Variants in NELL2 observed in about 807,000 individuals in gnomAD.
NELL2 encodes protein kinase C-binding protein NELL2.
A neutral mutation model predicts 109.6 loss-of-function variants in NELL2; 41 were observed. That is an observed-to-expected ratio of 0.37 (90% CI 0.29 to 0.49). The LOEUF is 0.49. Ranked by LOEUF, NELL2 falls within the 20% of genes least tolerant of loss-of-function variation. NELL2 has a pLI of 0.98. For synonymous variants in NELL2, 355 were observed against 344.7 expected, an observed-to-expected ratio of 1.03 and a Z score of -0.33; for missense variants, 900 against 1,008.3, an observed-to-expected ratio of 0.89 and a Z score of 1.45.
intron 12 of NELL2, among the ~76,000 whole-genome samples, chr12:44,694,049 T>C (rs1333884298): frequency 2.0e-5 from 3 of 152,236 alleles, no homozygotes; most frequent in Non-Finnish European, 4.4e-5. Flanking sequence ...CTTTCTCTTT[T>C]AAATTTTACC....
intron 12 of NELL2, among the ~76,000 whole-genome samples, chr12:44,682,470 G>A (rs1948548998): frequency 6.6e-6 from 1 of 152,224 alleles, no homozygotes; most frequent in East Asian, 1.9e-4. Flanking sequence ...TGCTTTTGGT[G>A]TTTTAGACAT....
chr12:44,667,930 C>A (rs116647159), intron 12 of NELL2, among the ~76,000 whole-genome samples: 1 of 152,282 alleles, frequency 6.6e-6, no homozygotes, highest in African/African-American at 2.4e-5. Flanking sequence ...GCCTAGAATC[C>A]ATAGGATGGC....
chr12:44,875,730 G>C, intron 1 of NELL2, 85 bp downstream of exon 1: 1 of 1,609,394 alleles, frequency 6.2e-7, no homozygotes, highest in Non-Finnish European at 8.5e-7. Flanking sequence ...TTGGGTCCGG[G>C]AAAAGCGAGG....
intron 2 of NELL2, among the ~76,000 whole-genome samples, chr12:44,848,512 C>T (rs1944440349): frequency 1.3e-5 from 2 of 152,136 alleles, no homozygotes; most frequent in African/African-American, 4.8e-5. Context: ...GAGCAACACA[C>T]AGACAAACAC....
intron 3 of NELL2, among the ~76,000 whole-genome samples, chr12:44,808,385 A>T (rs539970207): frequency 1.3e-5 from 2 of 152,056 alleles, no homozygotes; most frequent in Non-Finnish European, 2.9e-5. Context: ...TGGTAGTGAT[A>T]TATGTATGCT....
intron 12 of NELL2, among the ~76,000 whole-genome samples, chr12:44,676,117 C>G (rs1483940856): frequency 6.6e-6 from 1 of 152,034 alleles, no homozygotes; most frequent in East Asian, 1.9e-4. Flanking sequence ...TCATGCAGCT[C>G]AATTGCAAAG....
chr12:44,645,311 A>G (rs1947054737), intron 13 of NELL2, among the ~76,000 whole-genome samples: 1 of 152,210 alleles, frequency 6.6e-6, no homozygotes, highest in Admixed American at 6.5e-5. Flanking sequence ...TGTGTGCAGA[A>G]CATACTGGAG....
rs57847619 is a variant in NELL2 at position 44,610,256 on chromosome 12, A to C, written c.1567+592T>G. On this transcript the variant is annotated intron_variant, in intron 14 of 19. Transcript: ENST00000429094. Reference sequence around the variant, plus strand: ...CACAAGAGAGCAAAAAAAAAAAAACAAAAAAAAAAACTGTCCTACTGACTC... The same window carrying C: ...CACAAGAGAGCAAAAAAAAAAAAACCAAAAAAAAAACTGTCCTACTGACTC... 5.7e-3 allele frequency among the ~76,000 whole-genome samples: 825 copies of C among 143,518 alleles called. 10 individuals carry two copies. Among genetic ancestry groups the C allele is most frequent in the African/African-American group, 0.016 (613 of 39,242 alleles). 94.2% of individuals were successfully genotyped at this position (143,518 alleles called of 152,430 possible).
chr12:44,891,734 T>A (rs988180342), intron 1 of NELL2, among the ~76,000 whole-genome samples: 14 of 152,170 alleles, frequency 9.2e-5, no homozygotes, highest in African/African-American at 3.4e-4. Flanking sequence ...CTTAGTCATA[T>A]GATTAAGGGC....
chr12:44,898,580 C>T (rs535956632), intron 1 of NELL2, among the ~76,000 whole-genome samples: 36 of 152,174 alleles, frequency 2.4e-4, no homozygotes, highest in Admixed American at 1.4e-3. Context: ...AAAGAACGCC[C>T]GTGCAAAAAC....
chr12:44,628,324 G>C (rs974616689), intron 13 of NELL2, among the ~76,000 whole-genome samples: 5 of 152,160 alleles, frequency 3.3e-5, no homozygotes, highest in Non-Finnish European at 1.5e-5. Context: ...CAGTTATCCA[G>C]TGGTTGCTGA....
intron 3 of NELL2, among the ~76,000 whole-genome samples, chr12:44,781,224 G>A (rs1297602741): frequency 6.6e-6 from 1 of 151,482 alleles, no homozygotes; most frequent in Non-Finnish European, 1.5e-5. Flanking sequence ...AGAAACTTCA[G>A]AACCAAAAAA....
chr12:44,818,867 C>T lies in NELL2; in HGVS notation c.185-2731G>A, dbSNP rs1033269996. On this transcript the variant is annotated intron_variant, in intron 2 of 19. Transcript: ENST00000429094. ...ACGCCATTCTCCTGCCTCAGCCTCC[C>T]GAGTAGCTGGGACTACAGGCGCCCG... 8.6e-5 allele frequency among the ~76,000 whole-genome samples: 13 copies of T among 150,402 alleles called. No homozygotes were observed. In the East Asian group the frequency reaches 1.8e-3, roughly 20 times the overall value.
At chr12:44,905,895 C>A in intron 1 of NELL2, among the ~76,000 whole-genome samples, 1 of 151,746 alleles carries the variant, frequency 6.6e-6, no homozygotes. Context: ...AAAAAGCAGA[C>A]AAAAATTGCT....
intron 12 of NELL2, among the ~76,000 whole-genome samples, chr12:44,666,299 G>A (rs1428674518): frequency 6.6e-6 from 1 of 152,154 alleles, no homozygotes; most frequent in Non-Finnish European, 1.5e-5. Context: ...TACTCATTGT[G>A]AAGAATGTGA....
At chr12:44,912,020 GC>G (rs1312880831) in intron 1 of NELL2, among the ~76,000 whole-genome samples, 1 of 151,500 alleles carries the variant, frequency 6.6e-6, no homozygotes, top group African/African-American at 2.4e-5. Flanking sequence ...TAAATAAAGT[GC>G]CCCTGAGGAT....
intron 9 of NELL2, among the ~76,000 whole-genome samples, chr12:44,741,194 A>T (rs1939938823): frequency 6.6e-6 from 1 of 152,204 alleles, no homozygotes; most frequent in African/African-American, 2.4e-5. Flanking sequence ...ATAAATAGTA[A>T]ATACATTTTC....
intron 15 of NELL2, among the ~76,000 whole-genome samples, chr12:44,540,303 T>A (rs1268341108): frequency 1.3e-5 from 2 of 152,160 alleles, no homozygotes; most frequent in Non-Finnish European, 2.9e-5. Context: ...GGGGAAAGTA[T>A]AATACATTTT....
intron 1 of NELL2, among the ~76,000 whole-genome samples, chr12:44,920,818 G>A (rs1166025944): frequency 2.0e-5 from 3 of 152,082 alleles, no homozygotes; most frequent in Admixed American, 6.6e-5. Flanking sequence ...ACAAACCAGT[G>A]CAAATGTTAC....
Sources: gnomAD v4.1 joint callset for allele counts (sites outside exome capture counted in the v4.1 genomes callset) on GRCh38, gnomAD v4.1.1 for gene constraint, MANE v1.5 for transcripts, NCBI Gene and HGNC (gene_info 2026-07-23, HGNC 2026-07-21) for gene names.